Variants in LDLRAD3 observed in about 807,000 individuals in gnomAD.
LDLRAD3 encodes the protein low density lipoprotein receptor class A domain containing 3.
Under a neutral mutation model 29.4 loss-of-function variants are expected in LDLRAD3, and 20 were observed. The observed-to-expected ratio is 0.68, with a 90% CI of 0.48 to 0.99. The LOEUF is 0.99. Among genes scored for constraint, LDLRAD3 ranks in the 50% least tolerant of loss-of-function variants. The probability of loss-of-function intolerance (pLI) is 0.00; values close to 1 mark genes in which losing one functional copy is unlikely to be tolerated. For missense variants in LDLRAD3, 420 were observed against 454.3 expected (o/e 0.92, Z 0.69); for synonymous variants, 157 against 192.7 (o/e 0.81, Z 1.53).
At chr11:36,103,430 G>A (rs1430773232) in intron 4 of LDLRAD3, among the ~76,000 whole-genome samples, 3 of 151,868 alleles carry the variant, frequency 2.0e-5, no homozygotes, top group Admixed American at 6.6e-5. Flanking sequence ...TAGTAGAGAC[G>A]GGGTTTCACC....
At chr11:36,036,005 A>G (rs2133209922) in intron 1 of LDLRAD3, 98 bp from the exon 2 acceptor site, 1 of 1,217,516 alleles carries the variant, frequency 8.2e-7, no homozygotes, top group Middle Eastern at 1.9e-4. Context: ...GTCATCTACC[A>G]GAAGTCTCAC....
intron 1 of LDLRAD3, among the ~76,000 whole-genome samples, chr11:36,015,306 T>TCC (rs11347924): frequency 1.1e-5 from 1 of 87,724 alleles, no homozygotes. Context: ...GACATGCCAT[T>TCC]CCCCCCCCCC....
chr11:36,080,029 CCTGG>C (rs1853086537), intron 2 of LDLRAD3, among the ~76,000 whole-genome samples: 2 of 152,198 alleles, frequency 1.3e-5, no homozygotes, highest in African/African-American at 4.8e-5. Flanking sequence ...GTTTTTGAAA[CCTGG>C]AACATTTCAG....
rs969516386 is a variant in LDLRAD3, at chr11:35,979,794, A to G, written c.46+35650A>G. ...AGATGTGGTGGTTGATGTACCTGGG[A>G]CAAGGTTGTTGAGCCAGTGGCATTC... On this transcript the variant is annotated intron_variant, in intron 1 of 5. Coordinates refer to ENST00000315571, the MANE Select transcript of LDLRAD3 (RefSeq NM_174902.4). Among the ~76,000 whole-genome samples, 3 of 152,330 alleles carry G rather than the reference A, an allele frequency of 2.0e-5. No individual in the cohort carries two copies. In the South Asian group the frequency reaches 6.2e-4, roughly 32 times the overall value.
chr11:36,130,136 A>G (rs927828079), intron 4 of LDLRAD3, among the ~76,000 whole-genome samples: 2 of 152,230 alleles, frequency 1.3e-5, no homozygotes, highest in African/African-American at 4.8e-5. Flanking sequence ...AGAGACAGGC[A>G]TTGAACAGGC....
chr11:36,034,119 A>G (rs7129566), intron 1 of LDLRAD3, among the ~76,000 whole-genome samples: 15 of 152,240 alleles, frequency 9.9e-5, no homozygotes, highest in African/African-American at 3.4e-4. Context: ...CATCCACTGT[A>G]GATGCTACCC....
At chr11:36,102,853 T>A (rs1050145739) in intron 4 of LDLRAD3, among the ~76,000 whole-genome samples, 2 of 152,152 alleles carry the variant, frequency 1.3e-5, no homozygotes, top group African/African-American at 4.8e-5. Context: ...TCAGGTGGCC[T>A]TACAAATGTT....
At chr11:36,114,777 G>C (rs948244236) in intron 4 of LDLRAD3, among the ~76,000 whole-genome samples, 1 of 152,096 alleles carries the variant, frequency 6.6e-6, no homozygotes, top group African/African-American at 2.4e-5. Context: ...TCCATGGTGC[G>C]TCTCTCTTCC....
chr11:36,030,435 AGTGTGTGTGTGTGTGT>A (rs3080139), intron 1 of LDLRAD3, among the ~76,000 whole-genome samples: 11 of 147,804 alleles, frequency 7.4e-5, no homozygotes, highest in Admixed American at 1.3e-4. Context: ...CTGTGCATGG[AGTGTGTGTGTGTGTGT>A]GTGTGTGTGT....
intron 1 of LDLRAD3, among the ~76,000 whole-genome samples, chr11:35,988,119 A>G (rs1851637448): frequency 6.6e-6 from 1 of 151,208 alleles, no homozygotes; most frequent in Non-Finnish European, 1.5e-5. Context: ...GTGCAGTGGC[A>G]TGGTCACAAC....
intron 1 of LDLRAD3, among the ~76,000 whole-genome samples, chr11:36,006,847 G>A (rs1015521164): frequency 6.6e-6 from 1 of 152,242 alleles, no homozygotes; most frequent in African/African-American, 2.4e-5. Context: ...CTTACTTCTG[G>A]CTGCATCTGC....
intron 3 of LDLRAD3, among the ~76,000 whole-genome samples, chr11:36,088,743 A>G (rs915293098): frequency 1.3e-5 from 2 of 152,182 alleles, no homozygotes; most frequent in African/African-American, 4.8e-5. Flanking sequence ...CCAAAGCTGC[A>G]TCGTCAAGGT....
chr11:36,145,459 G>A (rs1259515842), intron 4 of LDLRAD3, among the ~76,000 whole-genome samples: 3 of 140,140 alleles, frequency 2.1e-5, no homozygotes, highest in African/African-American at 2.9e-5. Context: ...CCCCTACTGG[G>A]AAGTGAGGAG....
At chr11:36,090,261 C>A (rs866330925) in intron 3 of LDLRAD3, among the ~76,000 whole-genome samples, 3 of 152,098 alleles carry the variant, frequency 2.0e-5, no homozygotes, top group South Asian at 2.1e-4. Flanking sequence ...TGAGCAGATG[C>A]AGGATGAGGA....
At position 35,948,813 on chromosome 11, in the gene LDLRAD3, T is replaced by C. The variant is rs552529560; in HGVS notation, c.46+4669T>C. 5.9e-5 allele frequency among the ~76,000 whole-genome samples: 9 copies of C among 152,144 alleles called. No individual in the cohort carries two copies. The South Asian group carries it at 1.9e-3, about 32-fold the overall frequency. On this transcript the variant is annotated intron_variant, in intron 1 of 5. Coordinates refer to ENST00000315571, the MANE Select transcript of LDLRAD3 (RefSeq NM_174902.4). ...CGACACCTTGGCCTGGATAGTTCTT[T>C]GTTGTGGGGGTTGTCCTGTGCATTG...
intron 1 of LDLRAD3, among the ~76,000 whole-genome samples, chr11:35,964,156 A>G (rs1851310829): frequency 1.3e-5 from 2 of 152,134 alleles, no homozygotes; most frequent in South Asian, 4.2e-4. Flanking sequence ...TAAAACTAGA[A>G]AGAGGGCATT....
chr11:36,004,575 T>A (rs922199317), intron 1 of LDLRAD3, among the ~76,000 whole-genome samples: 2 of 152,128 alleles, frequency 1.3e-5, no homozygotes, highest in Non-Finnish European at 2.9e-5. Context: ...AATCAGTGGA[T>A]CTACATTCTG....
intron 1 of LDLRAD3, among the ~76,000 whole-genome samples, chr11:35,968,827 A>G (rs762523046): frequency 6.6e-6 from 1 of 152,196 alleles, no homozygotes; most frequent in Non-Finnish European, 1.5e-5. Context: ...AAATTATTTA[A>G]CCTGGCAGGT....
intron 2 of LDLRAD3, among the ~76,000 whole-genome samples, chr11:36,049,533 C>T (rs1852499242): frequency 6.6e-6 from 1 of 152,100 alleles, no homozygotes; most frequent in South Asian, 2.1e-4. Flanking sequence ...AACTGCATAC[C>T]CCTCTTTAGA....
Sources: gnomAD v4.1 joint callset for allele counts (sites outside exome capture counted in the v4.1 genomes callset) on GRCh38, gnomAD v4.1.1 for gene constraint, MANE v1.5 for transcripts, NCBI Gene and HGNC (gene_info 2026-07-23, HGNC 2026-07-21) for gene names.